Variants in GABBR2 observed in about 807,000 individuals in gnomAD.
GABBR2 encodes G-protein coupled receptor 51.
GABBR2 carries 23 observed loss-of-function variants against 105.6 expected under a neutral mutation model. That is an observed-to-expected ratio of 0.22 (90% CI 0.16 to 0.31). The LOEUF (loss-of-function observed/expected upper bound fraction) is 0.31. Among genes scored for constraint, GABBR2 ranks in the 10% least tolerant of loss-of-function variants. The pLI is 1.00. For missense variants in GABBR2, 734 were observed against 1,245.5 expected (o/e 0.59, Z 6.18); for synonymous variants, 478 against 499.7 (o/e 0.96, Z 0.58).
intron 6 of GABBR2, among the ~76,000 whole-genome samples, chr9:98,461,921 G>A (rs530583274): frequency 6.6e-5 from 10 of 152,346 alleles, no homozygotes; most frequent in South Asian, 2.1e-4. Context: ...TGAACTCAGC[G>A]TGAGAACTCA....
chr9:98,541,080 T>C (rs1043544722), intron 3 of GABBR2, among the ~76,000 whole-genome samples: 4 of 152,158 alleles, frequency 2.6e-5, no homozygotes, highest in African/African-American at 9.7e-5. Context: ...GTGGTCAACG[T>C]TCAGAGGGGC....
chr9:98,399,351 C>CA (rs56407615), intron 8 of GABBR2, among the ~76,000 whole-genome samples: 25,894 of 98,084 alleles, frequency 0.26, 2,843 homozygotes, highest in Non-Finnish European at 0.29. Flanking sequence ...GACTCCATCT[C>CA]AAAAAAAAAA....
intron 7 of GABBR2, among the ~76,000 whole-genome samples, chr9:98,448,987 G>A (rs1458990728): frequency 6.6e-6 from 1 of 152,100 alleles, no homozygotes; most frequent in Non-Finnish European, 1.5e-5. Context: ...CTTAGCCAGT[G>A]TTTCCAAGCA....
At chr9:98,691,641 A>G (rs1830683664) in intron 1 of GABBR2, among the ~76,000 whole-genome samples, 1 of 152,182 alleles carries the variant, frequency 6.6e-6, no homozygotes, top group Non-Finnish European at 1.5e-5. Context: ...CAGGCCGTTC[A>G]GCTCTCTGTC....
chr9:98,549,935 G>A (rs1250473803), intron 2 of GABBR2, among the ~76,000 whole-genome samples: 2 of 152,186 alleles, frequency 1.3e-5, no homozygotes, highest in Admixed American at 6.5e-5. Flanking sequence ...CTGGCCAGAG[G>A]AGTGGCAAAA....
chr9:98,660,071 T>A (rs995026192), intron 1 of GABBR2, among the ~76,000 whole-genome samples: 8 of 152,220 alleles, frequency 5.3e-5, no homozygotes, highest in Admixed American at 1.3e-4. Context: ...TTCCCTCATA[T>A]TTTTCTATGT....
intron 4 of GABBR2, among the ~76,000 whole-genome samples, chr9:98,486,843 A>G (rs1017609848): frequency 2.0e-5 from 3 of 152,140 alleles, no homozygotes; most frequent in Non-Finnish European, 1.5e-5. Context: ...AATGTTCTCC[A>G]AAGTCCCTCC....
At chr9:98,480,837 G>A (rs1826905632) in intron 5 of GABBR2, 95 bp downstream of exon 5, 4 of 777,930 alleles carry the variant, frequency 5.1e-6, no homozygotes, top group South Asian at 1.4e-5. Flanking sequence ...CCAGTCCTGT[G>A]ATCCCACTCA....
At chr9:98,625,816 C>A (rs1829729462) in intron 1 of GABBR2, among the ~76,000 whole-genome samples, 1 of 152,182 alleles carries the variant, frequency 6.6e-6, no homozygotes, top group Admixed American at 6.5e-5. Context: ...CAGAGCACCT[C>A]AAGAAGCAGG....
intron 1 of GABBR2, among the ~76,000 whole-genome samples, chr9:98,641,112 C>G (rs546447281): frequency 6.9e-6 from 1 of 144,494 alleles, no homozygotes; most frequent in African/African-American, 2.6e-5. Flanking sequence ...AGGTAGAACA[C>G]AAAAATCTGT....
At position 98,576,053 on chromosome 9, in the gene GABBR2, C is replaced by CG. The variant is rs1828903179; in HGVS notation, c.459+1881dup. Among the ~76,000 whole-genome samples, 3 of 152,202 alleles carry CG rather than the reference C, an allele frequency of 2.0e-5. No individual in the cohort carries two copies. The South Asian group carries it at 6.2e-4, about 32-fold the overall frequency. Reference sequence around the variant, plus strand: ...CGGGGCTAAGTGAGGGGCCCTCGCCCGGGCCCCACCTCTCTTTCATCACAC... The same window carrying CG: ...CGGGGCTAAGTGAGGGGCCCTCGCCCGGGGCCCCACCTCTCTTTCATCACAC... On this transcript the variant is annotated intron_variant, in intron 2 of 18. Transcript: ENST00000259455.
At chr9:98,349,251 T>C (rs1354045772) in intron 13 of GABBR2, among the ~76,000 whole-genome samples, 1 of 152,002 alleles carries the variant, frequency 6.6e-6, no homozygotes, top group Non-Finnish European at 1.5e-5. Context: ...TTACGTTGAA[T>C]CATTCTTGCA....
At chr9:98,374,639 C>T (rs1260725560) in intron 11 of GABBR2, among the ~76,000 whole-genome samples, 1 of 152,278 alleles carries the variant, frequency 6.6e-6, no homozygotes, top group South Asian at 2.1e-4. Flanking sequence ...AAACCCTGGG[C>T]GTGTCATCTC....
At chr9:98,369,577 G>C (rs1831742189) in intron 12 of GABBR2, among the ~76,000 whole-genome samples, 1 of 152,256 alleles carries the variant, frequency 6.6e-6, no homozygotes, top group African/African-American at 2.4e-5. Context: ...CAGTGGAGCA[G>C]AGCCTAGAAC....
intron 13 of GABBR2, among the ~76,000 whole-genome samples, chr9:98,334,544 C>T (rs1831081560): frequency 6.6e-6 from 1 of 151,850 alleles, no homozygotes; most frequent in African/African-American, 2.4e-5. Flanking sequence ...AAATGTGAGA[C>T]ACTGTTGTCA....
intron 1 of GABBR2, among the ~76,000 whole-genome samples, chr9:98,670,796 G>C (rs549774302): frequency 6.6e-6 from 1 of 152,334 alleles, no homozygotes; most frequent in Non-Finnish European, 1.5e-5. Flanking sequence ...TGTAGAGACA[G>C]AAAGTAGAAT....
chr9:98,672,851 C>G (rs1376716364), intron 1 of GABBR2, among the ~76,000 whole-genome samples: 4 of 152,200 alleles, frequency 2.6e-5, no homozygotes, highest in Admixed American at 6.5e-5. Flanking sequence ...TCCCTTAACT[C>G]TGAAAATTTT....
At chr9:98,462,977 C>A (rs549116617) in intron 6 of GABBR2, among the ~76,000 whole-genome samples, 1 of 152,310 alleles carries the variant, frequency 6.6e-6, no homozygotes, top group East Asian at 1.9e-4. Context: ...TAACCTCCGC[C>A]TCCTGGGTTC....
chr9:98,610,850 G>A (rs1224444281), intron 1 of GABBR2, among the ~76,000 whole-genome samples: 1 of 152,126 alleles, frequency 6.6e-6, no homozygotes, highest in Non-Finnish European at 1.5e-5. Context: ...GCCACAGGAA[G>A]CAAATACAAG....
Sources: allele counts gnomAD v4.1 joint callset (sites outside exome capture counted in the v4.1 genomes callset), GRCh38; gene constraint gnomAD v4.1.1; transcripts MANE v1.5; gene names NCBI Gene and HGNC (gene_info 2026-07-23, HGNC 2026-07-21).